BICD1: variants seen among roughly 807,000 people sequenced by gnomAD.
BICD1 encodes the protein BICD cargo adaptor 1, also known as protein bicaudal D homolog 1.
In BICD1, 35 loss-of-function variants were observed where a neutral mutation model predicts 92.5. The observed-to-expected ratio is 0.38, with a 90% CI of 0.29 to 0.50. The LOEUF is 0.50. Among genes scored for constraint, BICD1 ranks in the 20% least tolerant of loss-of-function variants. The pLI, the probability that BICD1 is intolerant of heterozygous loss-of-function variation, is 0.93. For missense variants in BICD1, 950 were observed against 1,189.8 expected (o/e 0.80, Z 2.97); for synonymous variants, 429 against 465.1 (o/e 0.92, Z 1.00).
intron 4 of BICD1, among the ~76,000 whole-genome samples, chr12:32,318,023 G>T (rs1227821239): frequency 1.3e-5 from 2 of 151,928 alleles, no homozygotes; most frequent in Non-Finnish European, 2.9e-5. Flanking sequence ...GATAGTTGTA[G>T]ATATGCAGCA....
At chr12:32,270,404 C>T (rs936154150) in intron 2 of BICD1, among the ~76,000 whole-genome samples, 1 of 151,976 alleles carries the variant, frequency 6.6e-6, no homozygotes, top group Non-Finnish European at 1.5e-5. Context: ...ATAAAAGTTT[C>T]GTTGTTGTAG....
intron 1 of BICD1, among the ~76,000 whole-genome samples, chr12:32,163,861 C>T (rs986039965): frequency 6.6e-6 from 1 of 152,166 alleles, no homozygotes; most frequent in Admixed American, 6.5e-5. Flanking sequence ...GAACCCAAGA[C>T]CCCTGCGTTA....
chr12:32,235,702 CT>C (rs112596407), intron 2 of BICD1, among the ~76,000 whole-genome samples: 18,285 of 135,044 alleles, frequency 0.14, 1,791 homozygotes, highest in African/African-American at 0.29. Flanking sequence ...TTTTTCTTTT[CT>C]TTTTTTTTTT....
Position 32,250,064 on chromosome 12 carries a change from C to G in BICD1, c.426+33605C>G, listed in dbSNP as rs142474249. ...ATATTATTATGTTAATTCCAGCACC[C>G]TAGATCTGCAATGCTGAAAGGACTG... On this transcript the variant is annotated intron_variant, in intron 2 of 9. Transcript: ENST00000652176. Among the ~76,000 whole-genome samples, 197 of 152,092 alleles carry G rather than the reference C, an allele frequency of 1.3e-3. 1 individual carries two copies. The highest frequency in any genetic ancestry group is 4.6e-3 in the African/African-American group (190 of 41,492).
chr12:32,113,414 C>T (rs1317949349), intron 1 of BICD1, among the ~76,000 whole-genome samples: 3 of 152,182 alleles, frequency 2.0e-5, no homozygotes, highest in Non-Finnish European at 2.9e-5. Context: ...CAGGGTTTCT[C>T]TCTGTCACCC....
chr12:32,179,327 A>T (rs999380761), intron 1 of BICD1, among the ~76,000 whole-genome samples: 1 of 152,020 alleles, frequency 6.6e-6, no homozygotes, highest in Non-Finnish European at 1.5e-5. Context: ...TTCCAAGAAT[A>T]TACTTATATT....
At chr12:32,372,184 A>G (rs1939765107) in intron 9 of BICD1, among the ~76,000 whole-genome samples, 1 of 152,246 alleles carries the variant, frequency 6.6e-6, no homozygotes, top group African/African-American at 2.4e-5. Context: ...CTCATTTTGA[A>G]AAATGATTTT....
Position 32,300,882 on chromosome 12 carries a change from A to T in BICD1, c.580-4815A>T, listed in dbSNP as rs140459193. ...TAGCCAGTATGGTCTTGATCTCCTG[A>T]CCTCATGATCCACCCACCCCAGCCT... On this transcript the variant is annotated intron_variant, in intron 3 of 9. Coordinates refer to ENST00000652176, the MANE Select transcript of BICD1 (RefSeq NM_001714.4). Among the ~76,000 whole-genome samples the T allele has an allele frequency of 2.3e-3, 344 of 151,446 alleles. 3 individuals are homozygous for T. The highest frequency in any genetic ancestry group is 8.1e-3 in the African/African-American group (334 of 41,264).
intron 1 of BICD1, among the ~76,000 whole-genome samples, chr12:32,176,606 A>G (rs971299998): frequency 6.6e-6 from 1 of 152,122 alleles, no homozygotes; most frequent in African/African-American, 2.4e-5. Context: ...TACTGTTTTG[A>G]TTTCTATCAT....
chr12:32,210,339 C>T (rs895140989), intron 1 of BICD1, among the ~76,000 whole-genome samples: 9 of 152,010 alleles, frequency 5.9e-5, no homozygotes, highest in Non-Finnish European at 7.4e-5. Context: ...GATGAAAGAA[C>T]GAAAATTCTG....
chr12:32,243,004 G>C (rs1946276129), intron 2 of BICD1, among the ~76,000 whole-genome samples: 1 of 152,106 alleles, frequency 6.6e-6, no homozygotes, highest in South Asian at 2.1e-4. Flanking sequence ...TGACATACTT[G>C]AAATAGTACC....
At chr12:32,251,344 C>T (rs1946515849) in intron 2 of BICD1, among the ~76,000 whole-genome samples, 1 of 152,154 alleles carries the variant, frequency 6.6e-6, no homozygotes, top group African/African-American at 2.4e-5. Context: ...AATTAGTTTG[C>T]TGTAACAAAT....
At position 32,353,497 on chromosome 12, in the gene BICD1, CTG is replaced by C. The variant is rs1938972872; in HGVS notation, c.2765-14171_2765-14170del. ...AGAAACAACTGACATTGGTGAAAGTCTGTAATTTTCAGATCCATTGATTTACA... is the reference window on the plus strand; with the variant it reads ...AGAAACAACTGACATTGGTGAAAGTCTAATTTTCAGATCCATTGATTTACA... On this transcript the variant is annotated intron_variant, in intron 8 of 9. Coordinates refer to ENST00000652176, the MANE Select transcript of BICD1 (RefSeq NM_001714.4). 7 of 150,768 alleles carry C rather than the reference CTG, an allele frequency of 4.6e-5. No homozygotes were observed. The South Asian group carries it at 1.5e-3, about 32-fold the overall frequency. The allele number at this position is 150,768 out of a possible 1,614,324, so 9.3% of individuals were successfully genotyped here.
intron 1 of BICD1, among the ~76,000 whole-genome samples, chr12:32,212,873 A>G (rs1295261474): frequency 2.0e-5 from 3 of 151,770 alleles, no homozygotes; most frequent in Admixed American, 2.0e-4. Context: ...AAATCTATCA[A>G]CTCTTTTAAG....
In BICD1 at chr12:32,337,926, A is replaced by G; in HGVS notation, c.2570+110A>G. On this transcript the variant is annotated intron_variant, in intron 7 of 9. Transcript: ENST00000652176. This position sits in a 1 kb window ranked among gnomAD's most constrained non-coding sequence, Gnocchi z 4.7. ...ATGGAGGAGGGGAAGCAAAAGAAAA[A>G]ATGGGAGCTGGCATATAAATGGTCT... The G allele has an allele frequency of 8.1e-7, 1 of 1,231,280 alleles. No individual in the cohort carries two copies. The highest frequency in any genetic ancestry group is 1.2e-6 in the Non-Finnish European group (1 of 869,480). The allele number at this position is 1,231,280 out of a possible 1,614,324, so 76.3% of individuals were successfully genotyped here. A position where few individuals can be genotyped will look rare whatever the true frequency, so the allele number is the denominator to read the frequency against.
chr12:32,207,717 A>G (rs1240699965), intron 1 of BICD1, among the ~76,000 whole-genome samples: 1 of 152,248 alleles, frequency 6.6e-6, no homozygotes, highest in Non-Finnish European at 1.5e-5. Context: ...GAAAATTCCC[A>G]TTAAGAGAAA....
chr12:32,245,243 G>T (rs1317442892), intron 2 of BICD1, among the ~76,000 whole-genome samples: 12 of 119,948 alleles, frequency 1.0e-4, no homozygotes, highest in East Asian at 6.6e-4. Context: ...GCTTAGTTTT[G>T]TTTTTTGTTT....
chr12:32,226,532 A>C (rs1945700827), intron 2 of BICD1, among the ~76,000 whole-genome samples: 1 of 152,146 alleles, frequency 6.6e-6, no homozygotes, highest in African/African-American at 2.4e-5. Flanking sequence ...GTCTGGGAAA[A>C]AATGAGAGCA....
At chr12:32,293,502 G>A (rs575148481) in intron 2 of BICD1, among the ~76,000 whole-genome samples, 1 of 136,060 alleles carries the variant, frequency 7.3e-6, no homozygotes, top group Non-Finnish European at 1.6e-5. Context: ...TTTTTTTTTG[G>A]TATTTTTAGT....
Sources: gnomAD v4.1 joint callset for allele counts (sites outside exome capture counted in the v4.1 genomes callset) on GRCh38, gnomAD v4.1.1 for gene constraint, Gnocchi (gnomAD v3.1) non-coding constraint, MANE v1.5 for transcripts, NCBI Gene and HGNC (gene_info 2026-07-23, HGNC 2026-07-21) for gene names.